Variants in RUBCN observed in about 807,000 individuals in gnomAD.
The protein encoded by RUBCN is rubicon autophagy regulator, also known as run domain Beclin-1-interacting and cysteine-rich domain-containing protein.
In RUBCN, 74 loss-of-function variants were observed where a neutral mutation model predicts 113.2. The observed-to-expected ratio is 0.65, with a 90% CI of 0.54 to 0.79. The LOEUF (loss-of-function observed/expected upper bound fraction) is 0.79. Among genes scored for constraint, RUBCN ranks in the 30% least tolerant of loss-of-function variants. RUBCN has a pLI of 0.00. For synonymous variants in RUBCN, 480 were observed against 490.0 expected (o/e 0.98, Z 0.27); for missense variants, 1,109 against 1,251.7 (o/e 0.89, Z 1.72).
At chr3:197,698,273 CT>C (rs1723231900) in intron 7 of RUBCN, among the ~76,000 whole-genome samples, 1 of 152,246 alleles carries the variant, frequency 6.6e-6, no homozygotes, top group African/African-American at 2.4e-5. Flanking sequence ...CTTTATTCCT[CT>C]TTAACCATCT....
chr3:197,676,243 A>T, intron 18 of RUBCN: 2 of 991,868 alleles, frequency 2.0e-6, no homozygotes, highest in Non-Finnish European at 2.4e-6. Context: ...TATTTTGGTC[A>T]TAATGACTGA....
Position 197,682,580 on chromosome 3 carries a change from CG to C in RUBCN, c.2015del (p.Pro672ArgfsTer29). The C allele has an allele frequency of 2.5e-6, 4 of 1,613,822 alleles. No homozygotes were observed. Among genetic ancestry groups the C allele is most frequent in the Non-Finnish European group, 3.4e-6 (4 of 1,179,972 alleles). On this transcript the variant is annotated frameshift_variant, in exon 14 of 20. Coordinates refer to ENST00000296343, the MANE Select transcript of RUBCN (RefSeq NM_014687.4). LOFTEE classifies it high-confidence loss of function. ...AGATGTCAGCGTGCTGCCCGTCATC[CG>C]GTGAGATGGGCAGTGAGTCAGGAAT... ...LPIPDSLPISPDDGQHADIYK... is the reference protein window; with the variant it reads ...LPIPDSLPISXDDGQHADIYK...
chr3:197,676,755 A>G, intron 18 of RUBCN, 130 bp downstream of exon 18: 1 of 1,559,506 alleles, frequency 6.4e-7, no homozygotes, highest in South Asian at 1.2e-5. Flanking sequence ...AGCCCTTTCC[A>G]GTTCCTCTCC....
At chr3:197,710,998 G>C (rs1724903486) in intron 2 of RUBCN, among the ~76,000 whole-genome samples, 1 of 152,026 alleles carries the variant, frequency 6.6e-6, no homozygotes, top group Admixed American at 6.6e-5. Flanking sequence ...GCTAATTTTT[G>C]TATTGTTAGT....
At chr3:197,703,781 A>G in intron 4 of RUBCN, 127 bp from the exon 5 acceptor site, 1 of 704,876 alleles carries the variant, frequency 1.4e-6, no homozygotes, top group Non-Finnish European at 2.6e-6. Flanking sequence ...GAAACAAAGT[A>G]GAGGAGAAGC....
At chr3:197,696,090 T>G in intron 8 of RUBCN, 109 bp from the exon 9 acceptor site, 1 of 1,002,600 alleles carries the variant, frequency 1.0e-6, no homozygotes, top group Non-Finnish European at 1.6e-6. Flanking sequence ...AATTAGAGGT[T>G]GGAAGAAGAT....
At chr3:197,705,567 AAAAAAAAAAAAAAAAAAGAAAAGGAATT>A (rs1724204978) in intron 2 of RUBCN, among the ~76,000 whole-genome samples, 1 of 119,132 alleles carries the variant, frequency 8.4e-6, no homozygotes, top group African/African-American at 3.2e-5. Flanking sequence ...CCTAACTCAG[AAAAAAAAAAAAAAAAAAGAAAAGGAATT>A]AAAAAAAAAA....
intron 2 of RUBCN, among the ~76,000 whole-genome samples, chr3:197,717,598 G>A (rs1464444364): frequency 2.0e-5 from 3 of 152,192 alleles, no homozygotes; most frequent in Non-Finnish European, 4.4e-5. Flanking sequence ...CAGAGGGTGT[G>A]TGGCCCTGCA....
At chr3:197,690,515 T>A (rs1722311986) in intron 11 of RUBCN, among the ~76,000 whole-genome samples, 1 of 152,246 alleles carries the variant, frequency 6.6e-6, no homozygotes, top group African/African-American at 2.4e-5. Flanking sequence ...ACTGCTACTT[T>A]CTTTCAATTA....
At position 197,675,437 on chromosome 3, in the gene RUBCN, A is replaced by C. The variant is rs1324912904; in HGVS notation, c.2725T>G (p.Cys909Gly). Reference sequence around the variant, plus strand: ...CTGCCCTCACCTTCACAGGTCCGGCACTTATGGAGCTCAAAGGGAAAGATG... The same window carrying C: ...CTGCCCTCACCTTCACAGGTCCGGCCCTTATGGAGCTCAAAGGGAAAGATG... ...DIIFPFELHK[C>G]RTCEECKACY... is the part of the protein sequence containing the mutation. Residue 909 changes from cysteine (C) to glycine (G), a missense_variant, in exon 19 of 20, where the codon TGC becomes GGC. By Grantham distance (159) the Cys-to-Gly change is radical (BLOSUM62 -3). Transcript: ENST00000296343. This position sits in a 1 kb window ranked among gnomAD's most constrained non-coding sequence, Gnocchi z 4.4. 1 of 1,613,842 alleles carries C rather than the reference A, an allele frequency of 6.2e-7. No individual in the cohort carries two copies. Among genetic ancestry groups the C allele is most frequent in the South Asian group, 1.1e-5 (1 of 91,084 alleles).
intron 2 of RUBCN, among the ~76,000 whole-genome samples, chr3:197,709,750 T>C (rs112643015): frequency 0.11 from 17,328 of 152,084 alleles, 1,220 homozygotes; most frequent in African/African-American, 0.19. Context: ...GAATAGAAAT[T>C]GAGAAGTTGA....
intron 2 of RUBCN, among the ~76,000 whole-genome samples, chr3:197,717,330 G>A (rs1247967692): frequency 6.6e-6 from 1 of 151,920 alleles, no homozygotes; most frequent in Non-Finnish European, 1.5e-5. Flanking sequence ...TGTAGTCCCA[G>A]CTACTCGGGA....
At chr3:197,728,652 G>A (rs968535839) in intron 1 of RUBCN, among the ~76,000 whole-genome samples, 2 of 152,210 alleles carry the variant, frequency 1.3e-5, no homozygotes, top group Non-Finnish European at 2.9e-5. Context: ...CTATATGTCA[G>A]GCACTGGGCT....
chr3:197,735,920 A>G (rs1434802121), intron 1 of RUBCN, among the ~76,000 whole-genome samples: 1 of 152,056 alleles, frequency 6.6e-6, no homozygotes, highest in African/African-American at 2.4e-5. Context: ...AAATCCCCCA[A>G]TTTCTAGAAG....
At position 197,677,553 on chromosome 3, in the gene RUBCN, G is replaced by T; in HGVS notation, c.2431-12C>A. ...TGGACCCGCAGCAGCTGAAAAGAAAGAGAGGGGGGCAGGAGTGGGAGGGAG... is the reference window on the plus strand; with the variant it reads ...TGGACCCGCAGCAGCTGAAAAGAAATAGAGGGGGGCAGGAGTGGGAGGGAG... On this transcript the variant is annotated splice_polypyrimidine_tract_variant and intron_variant, in intron 16 of 19. Coordinates refer to ENST00000296343, the MANE Select transcript of RUBCN (RefSeq NM_014687.4). 3.1e-6 allele frequency: 5 copies of T among 1,613,690 alleles called. No homozygotes were observed. The highest frequency in any genetic ancestry group is 4.2e-6 in the Non-Finnish European group (5 of 1,179,756).
At chr3:197,715,143 G>T (rs1725372727) in intron 2 of RUBCN, among the ~76,000 whole-genome samples, 1 of 151,770 alleles carries the variant, frequency 6.6e-6, no homozygotes, top group Non-Finnish European at 1.5e-5. Flanking sequence ...CACAAAACTG[G>T]CTGGGCGTGG....
chr3:197,669,583 C>T lies in RUBCN; in HGVS notation c.*5435G>A, dbSNP rs909588072. ...CCAATGACATCTTTGGAGATGTTAACGTTGATTACTTGGTTAAGGTCGTGT... is the reference window on the plus strand; with the variant it reads ...CCAATGACATCTTTGGAGATGTTAATGTTGATTACTTGGTTAAGGTCGTGT... On this transcript the variant is annotated 3_prime_UTR_variant, in exon 20 of 20. Transcript: ENST00000296343. Among the ~76,000 whole-genome samples the T allele has an allele frequency of 2.6e-5, 4 of 152,124 alleles. No individual in the cohort carries two copies. Among genetic ancestry groups the T allele is most frequent in the African/African-American group, 7.2e-5 (3 of 41,408 alleles).
At chr3:197,743,636 C>A (rs1289299898) in intron 1 of RUBCN, among the ~76,000 whole-genome samples, 1 of 152,138 alleles carries the variant, frequency 6.6e-6, no homozygotes, top group Non-Finnish European at 1.5e-5. Context: ...GAGAAGAAAA[C>A]CTGTAGTGTA....
chr3:197,694,225 C>A (rs781663407), intron 10 of RUBCN, 150 bp downstream of exon 10: 3 of 801,686 alleles, frequency 3.7e-6, no homozygotes, highest in East Asian at 2.5e-5. Context: ...GGAAACGGAG[C>A]GACTCTAGGA....
Sources: gnomAD v4.1 joint callset for allele counts (sites outside exome capture counted in the v4.1 genomes callset) on GRCh38, gnomAD v4.1.1 for gene constraint, Gnocchi (gnomAD v3.1) non-coding constraint, MANE v1.5 for transcripts, NCBI Gene and HGNC (gene_info 2026-07-23, HGNC 2026-07-21) for gene names.